ITGA9: variants seen among roughly 807,000 people sequenced by gnomAD.
ITGA9 encodes the protein integrin subunit alpha 9.
In ITGA9, 56 loss-of-function variants were observed where a neutral mutation model predicts 127.8. The observed-to-expected ratio is 0.44, with a 90% CI of 0.35 to 0.55. The LOEUF is 0.55. ITGA9 is among the 20% of genes least tolerant of loss of function. The pLI, the probability that ITGA9 is intolerant of heterozygous loss-of-function variation, is 0.00. For synonymous variants in ITGA9, 508 were observed against 514.5 expected, an observed-to-expected ratio of 0.99 and a Z score of 0.17; for missense variants, 1,196 against 1,347.1, an observed-to-expected ratio of 0.89 and a Z score of 1.76.
At position 37,508,487 on chromosome 3, in the gene ITGA9, C is replaced by T. The variant is rs548934785; in HGVS notation, c.829-72C>T. 127 of 1,268,322 alleles carry T rather than the reference C, an allele frequency of 1.0e-4. No homozygotes were observed. In the South Asian group the frequency reaches 1.1e-3, roughly 11 times the overall value. 78.6% of individuals were successfully genotyped at this position (1,268,322 alleles called of 1,614,324 possible). ...CTCTTAAGCTTTTAAATAGGACTCCCAGGAGAGTGCTGATAAATATCTTTG... is the reference window on the plus strand; with the variant it reads ...CTCTTAAGCTTTTAAATAGGACTCCTAGGAGAGTGCTGATAAATATCTTTG... On this transcript the variant is annotated intron_variant, in intron 7 of 27. Transcript: ENST00000264741.
At chr3:37,742,122 C>T (rs900908079) in intron 21 of ITGA9, among the ~76,000 whole-genome samples, 5 of 152,134 alleles carry the variant, frequency 3.3e-5, no homozygotes, top group Admixed American at 1.3e-4. Flanking sequence ...TATTCTCATC[C>T]GCCCCTAGTC....
In ITGA9 at chr3:37,629,972, G is replaced by A. The variant is rs1196695876; in HGVS notation, c.1839+636G>A. Among the ~76,000 whole-genome samples, 1 of 152,210 alleles carries A rather than the reference G, an allele frequency of 6.6e-6. No homozygotes were observed. The highest frequency in any genetic ancestry group is 1.9e-4 in the East Asian group (1 of 5,194). On this transcript the variant is annotated intron_variant, in intron 16 of 27. Transcript: ENST00000264741. This position sits in a 1 kb window ranked among gnomAD's most constrained non-coding sequence, Gnocchi z 4.5. Reference sequence around the variant, plus strand: ...AGCACTGAGTGCGGTGCAGGAATATGCAAGGAATCTGCAATCCCAAGTCTG... The same window carrying A: ...AGCACTGAGTGCGGTGCAGGAATATACAAGGAATCTGCAATCCCAAGTCTG...
At chr3:37,554,879 G>T (rs1231264609) in intron 15 of ITGA9, among the ~76,000 whole-genome samples, 2 of 152,178 alleles carry the variant, frequency 1.3e-5, no homozygotes, top group Non-Finnish European at 2.9e-5. Flanking sequence ...CACACTGGTA[G>T]ATGTTTAAGT....
At chr3:37,605,309 C>G (rs1699958069) in intron 15 of ITGA9, among the ~76,000 whole-genome samples, 1 of 152,062 alleles carries the variant, frequency 6.6e-6, no homozygotes, top group Non-Finnish European at 1.5e-5. Flanking sequence ...GTGGGCCATG[C>G]TCAGTGGGGG....
At chr3:37,570,475 A>C (rs1575153599) in intron 15 of ITGA9, among the ~76,000 whole-genome samples, 1 of 152,220 alleles carries the variant, frequency 6.6e-6, no homozygotes. Flanking sequence ...TGTGTCTAGC[A>C]GGTGGCTTCC....
chr3:37,738,855 G>A (rs533472206), intron 20 of ITGA9, among the ~76,000 whole-genome samples: 6 of 152,298 alleles, frequency 3.9e-5, no homozygotes, highest in Admixed American at 3.9e-4. Flanking sequence ...GAGAGGGCAG[G>A]GAACCAGTAT....
chr3:37,760,673 AC>A (rs1696713416), intron 23 of ITGA9, among the ~76,000 whole-genome samples: 1 of 152,216 alleles, frequency 6.6e-6, no homozygotes, highest in East Asian at 1.9e-4. Context: ...AAACAAACAA[AC>A]AAAAAACAGG....
chr3:37,589,495 G>A (rs1012531606), intron 15 of ITGA9, among the ~76,000 whole-genome samples: 6 of 152,314 alleles, frequency 3.9e-5, no homozygotes, highest in East Asian at 1.9e-4. Flanking sequence ...ATGGAAACAC[G>A]AAAGCTGATA....
At position 37,662,440 on chromosome 3, in the gene ITGA9, T is replaced by G. The variant is rs1416266588; in HGVS notation, c.1916+8650T>G. On this transcript the variant is annotated intron_variant, in intron 17 of 27. Coordinates refer to ENST00000264741, the MANE Select transcript of ITGA9 (RefSeq NM_002207.3). ...GCTGGGCACACTCCAGGAGCCAGGG[T>G]GGGGAAGGGAGAGGAGAACATTGAG... Among the ~76,000 whole-genome samples the G allele has an allele frequency of 5.3e-5, 8 of 151,852 alleles. No homozygotes were observed. In the South Asian group the frequency reaches 6.3e-4, roughly 12 times the overall value.
intron 17 of ITGA9, among the ~76,000 whole-genome samples, chr3:37,656,909 A>G (rs1400197285): frequency 6.6e-6 from 1 of 152,012 alleles, no homozygotes; most frequent in Non-Finnish European, 1.5e-5. Context: ...AGGGGTGTTG[A>G]ATTTTGTTGA....
intron 8 of ITGA9, among the ~76,000 whole-genome samples, chr3:37,508,904 T>C (rs78115572): frequency 0.038 from 5,772 of 152,294 alleles, 123 homozygotes; most frequent in Non-Finnish European, 0.05. Context: ...GTTCAGACTG[T>C]CATCAAAGTG....
chr3:37,666,752 G>A (rs1317303882), intron 17 of ITGA9, among the ~76,000 whole-genome samples: 3 of 152,204 alleles, frequency 2.0e-5, no homozygotes, highest in African/African-American at 7.2e-5. Flanking sequence ...CTTCCTGATG[G>A]GAGGAGCTGC....
chr3:37,476,071 C>T (rs1173447097), intron 3 of ITGA9, among the ~76,000 whole-genome samples: 1 of 152,140 alleles, frequency 6.6e-6, no homozygotes, highest in Non-Finnish European at 1.5e-5. Flanking sequence ...TATGAATTCA[C>T]CATGTTTTCT....
In ITGA9 at chr3:37,682,707, A is replaced by G. The variant is rs966500469; in HGVS notation, c.1917-1158A>G. Among the ~76,000 whole-genome samples, 6 of 152,124 alleles carry G rather than the reference A, an allele frequency of 3.9e-5. No individual in the cohort carries two copies. The South Asian group carries it at 1.0e-3, about 26-fold the overall frequency. On this transcript the variant is annotated intron_variant, in intron 17 of 27. Transcript: ENST00000264741. ...TCTCAACCCAGTCTTTCCCATCTCA[A>G]TAAATGACAACTTTTCTCTTCTAGT...
intron 17 of ITGA9, among the ~76,000 whole-genome samples, chr3:37,661,462 A>G (rs1055581080): frequency 6.6e-6 from 1 of 152,228 alleles, no homozygotes; most frequent in East Asian, 1.9e-4. Context: ...GTTCATTGAT[A>G]CTTAGATAAC....
intron 15 of ITGA9, among the ~76,000 whole-genome samples, chr3:37,621,390 G>T (rs992497094): frequency 2.6e-5 from 4 of 152,162 alleles, no homozygotes; most frequent in African/African-American, 9.7e-5. Context: ...CTCTTTCGTT[G>T]TTCCCCCATA....
intron 22 of ITGA9, among the ~76,000 whole-genome samples, chr3:37,747,806 G>T (rs1429426923): frequency 6.7e-6 from 1 of 148,576 alleles, no homozygotes; most frequent in Admixed American, 6.8e-5. Context: ...TCAGCTCATT[G>T]CAGCCTCAAC....
chr3:37,775,825 G>A (rs1696900607), intron 23 of ITGA9, among the ~76,000 whole-genome samples: 1 of 152,040 alleles, frequency 6.6e-6, no homozygotes, highest in African/African-American at 2.4e-5. Context: ...TCCCATTACT[G>A]GGTATATATA....
At chr3:37,678,427 AAAG>A (rs1268791271) in intron 17 of ITGA9, among the ~76,000 whole-genome samples, 1 of 152,220 alleles carries the variant, frequency 6.6e-6, no homozygotes, top group Non-Finnish European at 1.5e-5. Flanking sequence ...CAACTAAGAG[AAAG>A]AAGGAAGGAG....
Sources: gnomAD v4.1 joint callset for allele counts (sites outside exome capture counted in the v4.1 genomes callset) on GRCh38, gnomAD v4.1.1 for gene constraint, Gnocchi (gnomAD v3.1) non-coding constraint, MANE v1.5 for transcripts, NCBI Gene and HGNC (gene_info 2026-07-23, HGNC 2026-07-21) for gene names.